Variants in HELZ observed in about 807,000 individuals in gnomAD.
HELZ encodes ATP-dependent RNA helicase with zinc finger domain.
In HELZ, 23 loss-of-function variants were observed where a neutral mutation model predicts 218.2. The observed-to-expected ratio is 0.11, with a 90% CI of 0.08 to 0.15. HELZ has a LOEUF of 0.15. HELZ is among the 10% of genes least tolerant of loss of function. The pLI is 1.00. For synonymous variants in HELZ, 814 were observed against 829.4 expected (o/e 0.98, Z 0.32); for missense variants, 1,813 against 2,353.7 (o/e 0.77, Z 4.75).
rs552298534 is a variant in HELZ at position 67,117,885 on chromosome 17, G to T, written c.3838+2520C>A. Among the ~76,000 whole-genome samples the T allele has an allele frequency of 3.3e-5, 5 of 151,946 alleles. No homozygotes were observed. The South Asian group carries it at 1.0e-3, about 32-fold the overall frequency. On this transcript the variant is annotated intron_variant, in intron 27 of 32. Coordinates refer to ENST00000358691, the MANE Select transcript of HELZ (RefSeq NM_014877.4). ...TTTTTAATGCTGAAAAAAAAATAAA[G>T]ACCTAATAGAAAAAAATGGAGAGAT... is the stretch of plus-strand genomic sequence containing the variant.
In HELZ at chr17:67,136,092, T is replaced by C; in HGVS notation, c.3060A>G (p.Thr1020=). 1 of 1,613,928 alleles carries C rather than the reference T, an allele frequency of 6.2e-7. No individual in the cohort carries two copies. The highest frequency in any genetic ancestry group is 1.1e-5 in the South Asian group (1 of 91,084). The change falls in exon 23 of 33, where the codon ACA becomes ACG. Residue 1020 remains threonine, a synonymous_variant. Transcript: ENST00000358691. The stretch of plus-strand genomic sequence containing the variant: ...ATAAAAAACCATAATCTAAGTCCTC[T>C]GTGGAATCTTCCAGAAGTTGCTCTT... The part of the protein sequence containing the change: ...KKKEQLLEDS[T]EDLDYGFLSN...
intron 21 of HELZ, 126 bp from the exon 22 acceptor site, chr17:67,138,240 ACTACCCCT>A: frequency 1.5e-6 from 1 of 656,232 alleles, no homozygotes; most frequent in Non-Finnish European, 2.3e-6. Flanking sequence ...AAAAAAAAAA[ACTACCCCT>A]AAATGGGAGT....
chr17:67,161,000 C>T lies in HELZ; in HGVS notation c.1972G>A (p.Ala658Thr). 1 of 1,613,830 alleles carries T rather than the reference C, an allele frequency of 6.2e-7. No individual in the cohort carries two copies. The highest frequency in any genetic ancestry group is 1.1e-5 in the South Asian group (1 of 91,036). The stretch of plus-strand genomic sequence containing the variant: ...ATAAGCACAGGCGGCAGCTGGATTG[C>T]AAGTGGAGTGGTAATGGCCAGAACA... Reference protein sequence around the residue: ...EAVLAITTPLAIQLPPVLIIG... With the variant: ...EAVLAITTPLTIQLPPVLIIG... Residue 658 changes from alanine to threonine, a missense_variant, in exon 16 of 33, where the codon GCA becomes ACA. This residue lies in a region of HELZ where 714 missense variants were observed against 1,029.2 expected (regional missense o/e 0.69). Coordinates refer to ENST00000358691, the MANE Select transcript of HELZ (RefSeq NM_014877.4).
intron 21 of HELZ, among the ~76,000 whole-genome samples, chr17:67,144,494 A>C (rs1282083247): frequency 6.6e-6 from 1 of 152,090 alleles, no homozygotes; most frequent in African/African-American, 2.4e-5. Context: ...TAAAAAAAAA[A>C]AAAAAACCTT....
In HELZ at chr17:67,234,703, A is replaced by T. The variant is rs143984685; in HGVS notation, c.-19+4730T>A. ...TAAAAATAACAAAAAGTTAAATATT[A>T]AAAAAAAAACTCCCCAAAACCCAGT... is the stretch of plus-strand genomic sequence containing the variant. On this transcript the variant is annotated intron_variant, in intron 3 of 32. Coordinates refer to ENST00000358691, the MANE Select transcript of HELZ (RefSeq NM_014877.4). Among the ~76,000 whole-genome samples the T allele has an allele frequency of 7.8e-4, 114 of 145,656 alleles. 1 individual carries two copies. The highest frequency in any genetic ancestry group is 2.4e-3 in the African/African-American group (98 of 40,400).
intron 5 of HELZ, among the ~76,000 whole-genome samples, chr17:67,211,377 AT>A (rs2040446205): frequency 6.6e-6 from 1 of 152,126 alleles, no homozygotes. Flanking sequence ...TCTTGATCTT[AT>A]TTTTTAGAGA....
chr17:67,236,187 CAAAT>C (rs1454997811), intron 3 of HELZ, among the ~76,000 whole-genome samples: 1 of 152,122 alleles, frequency 6.6e-6, no homozygotes, highest in Non-Finnish European at 1.5e-5. Context: ...TAAAGAGGCT[CAAAT>C]AGTTAAATTC....
chr17:67,142,031 G>A (rs1459922492), intron 21 of HELZ, among the ~76,000 whole-genome samples: 2 of 151,522 alleles, frequency 1.3e-5, no homozygotes, highest in African/African-American at 4.9e-5. Context: ...GCAACAGAGT[G>A]AGACTCTGTC....
chr17:67,187,386 C>T (rs992555734), intron 12 of HELZ, among the ~76,000 whole-genome samples: 4 of 152,074 alleles, frequency 2.6e-5, no homozygotes, highest in Admixed American at 6.6e-5. Context: ...TTCAACCTTA[C>T]TAGCAGCTAA....
At chr17:67,179,964 T>C (rs1169085136) in intron 12 of HELZ, among the ~76,000 whole-genome samples, 1 of 152,226 alleles carries the variant, frequency 6.6e-6, no homozygotes, top group African/African-American at 2.4e-5. Flanking sequence ...TTTGGCAACA[T>C]TTAAATGTTA....
In HELZ at chr17:67,077,820, C is replaced by T. The variant is rs1000020750; in HGVS notation, c.*432G>A. 5 of 150,082 alleles carry T rather than the reference C, an allele frequency of 3.3e-5. No individual in the cohort carries two copies. The highest frequency in any genetic ancestry group is 2.0e-4 in the East Asian group (1 of 5,102). 9.3% of individuals were successfully genotyped at this position (150,082 alleles called of 1,614,324 possible). On this transcript the variant is annotated 3_prime_UTR_variant, in exon 33 of 33. Transcript: ENST00000358691. ...TAAGCAAAAATAACATACATTTGTA[C>T]ATCAACTGGCCATTTCTGGTACAGA...
chr17:67,082,856 T>TTG (rs2036238268), intron 32 of HELZ, among the ~76,000 whole-genome samples: 1 of 149,998 alleles, frequency 6.7e-6, no homozygotes, highest in African/African-American at 2.5e-5. Context: ...TGTTTTTTTT[T>TTG]TTTGTTTTTT....
At chr17:67,130,878 C>G (rs988977786) in intron 23 of HELZ, among the ~76,000 whole-genome samples, 2 of 152,136 alleles carry the variant, frequency 1.3e-5, no homozygotes, top group Non-Finnish European at 2.9e-5. Context: ...TTTACTCTGT[C>G]TAGTTCAGTT....
chr17:67,182,105 C>T (rs1242206685), intron 12 of HELZ, among the ~76,000 whole-genome samples: 6 of 152,116 alleles, frequency 3.9e-5, no homozygotes, highest in South Asian at 2.1e-4. Context: ...CCTTGGCATG[C>T]GTTTTCTTCA....
chr17:67,122,454 G>C (rs553644765), intron 26 of HELZ, among the ~76,000 whole-genome samples: 20 of 152,096 alleles, frequency 1.3e-4, no homozygotes, highest in Non-Finnish European at 2.8e-4. Context: ...GCTGAGTCAA[G>C]AGAATGGCGT....
At chr17:67,171,110 T>C (rs982630257) in intron 13 of HELZ, among the ~76,000 whole-genome samples, 11 of 151,882 alleles carry the variant, frequency 7.2e-5, no homozygotes, top group African/African-American at 2.7e-4. Flanking sequence ...TTCTGTATGG[T>C]AATACTCTCC....
chr17:67,178,618 G>C (rs1396723792), intron 13 of HELZ, 41 bp downstream of exon 13: 1 of 1,526,900 alleles, frequency 6.5e-7, no homozygotes, highest in South Asian at 1.2e-5. Context: ...ACCATCCAAA[G>C]GGGAGATTTT....
rs369277263 is a variant in HELZ at position 67,187,435 on chromosome 17, T to C, written c.1162+884A>G. On this transcript the variant is annotated intron_variant, in intron 12 of 32. Coordinates refer to ENST00000358691, the MANE Select transcript of HELZ (RefSeq NM_014877.4). ...ACAGACCAATTTCACCTTTTCACTA[T>C]GTGAAAAAAAATAAAATTCTAGCAT... Among the ~76,000 whole-genome samples, 7 of 152,224 alleles carry C rather than the reference T, an allele frequency of 4.6e-5. No homozygotes were observed. The East Asian group carries it at 1.2e-3, about 25-fold the overall frequency.
intron 31 of HELZ, among the ~76,000 whole-genome samples, chr17:67,098,719 G>A (rs1326503051): frequency 6.6e-6 from 1 of 152,130 alleles, no homozygotes; most frequent in Non-Finnish European, 1.5e-5. Context: ...ACTCCGGCCT[G>A]GGTGACAGAG....
Sources: allele counts gnomAD v4.1 joint callset (sites outside exome capture counted in the v4.1 genomes callset), GRCh38; gene constraint gnomAD v4.1.1; regional missense constraint gnomAD v4.1.1; transcripts MANE v1.5; gene names NCBI Gene and HGNC (gene_info 2026-07-23, HGNC 2026-07-21).